Variants in CLIP2 observed in about 807,000 individuals in gnomAD.
CLIP2 encodes CAP-Gly domain-containing linker protein 2.
CLIP2 carries 41 observed loss-of-function variants against 111.7 expected under a neutral mutation model. The ratio of observed to expected loss-of-function variants is 0.37; its 90% CI spans 0.29 to 0.48. The LOEUF (loss-of-function observed/expected upper bound fraction) is 0.48. Ranked by LOEUF, CLIP2 falls within the 20% of genes least tolerant of loss-of-function variation. The pLI, the probability that CLIP2 is intolerant of heterozygous loss-of-function variation, is 0.99. For synonymous variants in CLIP2, 660 were observed against 644.2 expected (o/e 1.02, Z -0.37); for missense variants, 1,160 against 1,422.1 (o/e 0.82, Z 2.96).
At chr7:74,319,765 G>A (rs1788891716) in intron 2 of CLIP2, among the ~76,000 whole-genome samples, 1 of 151,860 alleles carries the variant, frequency 6.6e-6, no homozygotes, top group South Asian at 2.1e-4. Flanking sequence ...AGGCTGCAGT[G>A]AGCCATGATC....
rs1157277499 is a variant in CLIP2 at position 74,400,541 on chromosome 7, C to G, written c.3052C>G (p.Pro1018Ala). Residue 1018 changes from proline (P) to alanine (A), a missense_variant, in exon 15 of 17, where the codon CCT becomes GCT. This residue lies in a region of CLIP2 where 676 missense variants were observed against 777.8 expected (regional missense o/e 0.87). Coordinates refer to ENST00000223398, the MANE Select transcript of CLIP2 (RefSeq NM_003388.5). Reference protein sequence around the residue: ...EKLMEAMRSCPDKAQTIGNSG... With the variant: ...EKLMEAMRSCADKAQTIGNSG... ...GCTGATGGAGGCCATGAGGAGCTGC[C>G]CTGACAAGGCCCAGGTGAGCCGCGG... 1 of 1,584,104 alleles carries G rather than the reference C, an allele frequency of 6.3e-7. No individual in the cohort carries two copies. The highest frequency in any genetic ancestry group is 8.6e-7 in the Non-Finnish European group (1 of 1,165,344).
chr7:74,389,759 T>G (rs1412839905), intron 13 of CLIP2, among the ~76,000 whole-genome samples: 2 of 151,200 alleles, frequency 1.3e-5, no homozygotes, highest in African/African-American at 2.4e-5. Context: ...ATTAGCTGGG[T>G]GTAGTGGTGT....
At position 74,357,267 on chromosome 7, in the gene CLIP2, C is replaced by T. The variant is rs1042685390; in HGVS notation, c.1018-13C>T. 6.8e-6 allele frequency: 11 copies of T among 1,613,228 alleles called. No individual in the cohort carries two copies. Among genetic ancestry groups the T allele is most frequent in the Non-Finnish European group, 9.3e-6 (11 of 1,179,450 alleles). ...GATCCCTGAGACCCGCCTGCATCCA[C>T]ACCTTCCTGCAGCTCACGGAGACCT... On this transcript the variant is annotated splice_polypyrimidine_tract_variant and intron_variant, in intron 5 of 16. Transcript: ENST00000223398.
chr7:74,317,720 T>C (rs1272268387), intron 2 of CLIP2, 53 bp downstream of exon 2: 99 of 1,363,296 alleles, frequency 7.3e-5, no homozygotes, highest in Non-Finnish European at 8.9e-5. Context: ...ATGGGATGAG[T>C]GTTCTTCTGG....
chr7:74,354,121 A>G (rs1354051693), intron 4 of CLIP2, 117 bp downstream of exon 4: 42 of 1,275,028 alleles, frequency 3.3e-5, no homozygotes, highest in South Asian at 4.3e-5. Flanking sequence ...GTCAGACACC[A>G]TAAGTCCTTT....
chr7:74,390,164 AG>A (rs71094781), intron 13 of CLIP2, among the ~76,000 whole-genome samples: 68,239 of 105,974 alleles, frequency 0.64, 18,667 homozygotes, highest in Non-Finnish European at 0.68. Context: ...GAAAGAAAGA[AG>A]AAAGAAAGAA....
intron 6 of CLIP2, among the ~76,000 whole-genome samples, chr7:74,357,810 G>A (rs1223830455): frequency 4.7e-5 from 7 of 150,404 alleles, no homozygotes; most frequent in Admixed American, 3.3e-4. Flanking sequence ...AGGCTGGGGT[G>A]TAGTGGTGCA....
At chr7:74,359,897 G>A (rs1554309390) in intron 6 of CLIP2, among the ~76,000 whole-genome samples, 2 of 152,232 alleles carry the variant, frequency 1.3e-5, no homozygotes, top group African/African-American at 4.8e-5. Flanking sequence ...AAGACAGCAG[G>A]TTTGCAAGAT....
chr7:74,373,905 G>A (rs1396096354), intron 9 of CLIP2, among the ~76,000 whole-genome samples: 1 of 152,074 alleles, frequency 6.6e-6, no homozygotes, highest in Admixed American at 6.6e-5. Flanking sequence ...GAGTGGAGGT[G>A]TCCCCAGGGA....
intron 3 of CLIP2, among the ~76,000 whole-genome samples, chr7:74,347,486 T>G (rs899808880): frequency 6.6e-6 from 1 of 152,106 alleles, no homozygotes; most frequent in Non-Finnish European, 1.5e-5. Flanking sequence ...GCCAGGCTGG[T>G]CTCGATCTCC....
intron 7 of CLIP2, among the ~76,000 whole-genome samples, chr7:74,363,958 C>T (rs533553106): frequency 6.6e-6 from 1 of 150,932 alleles, no homozygotes; most frequent in Non-Finnish European, 1.5e-5. Context: ...GGAAAGAAAA[C>T]AGTGTTGTCA....
chr7:74,338,336 T>C lies in CLIP2; in HGVS notation c.122-112T>C. 8.4e-7 allele frequency: 1 copy of C among 1,186,264 alleles called. No homozygotes were observed. Among genetic ancestry groups the C allele is most frequent in the Non-Finnish European group, 1.2e-6 (1 of 863,126 alleles). The allele number at this position is 1,186,264 out of a possible 1,614,324, so 73.5% of individuals were successfully genotyped here. The stretch of plus-strand genomic sequence containing the variant: ...GGCCGAGATGGTGAAACCCCATCTC[T>C]ACCCAAAAATACAAATCAGCCACCT... On this transcript the variant is annotated intron_variant, in intron 2 of 16. Transcript: ENST00000223398. This position sits in a 1 kb window ranked among gnomAD's most constrained non-coding sequence, Gnocchi z 4.3.
intron 2 of CLIP2, among the ~76,000 whole-genome samples, chr7:74,319,679 G>A (rs1171132548): frequency 6.6e-6 from 1 of 151,946 alleles, no homozygotes; most frequent in Non-Finnish European, 1.5e-5. Flanking sequence ...TAATTAGCCA[G>A]GCATGGTAGT....
Position 74,308,535 on chromosome 7 carries a change from C to T in CLIP2, c.-67-8945C>T, listed in dbSNP as rs994419549. On this transcript the variant is annotated intron_variant, in intron 1 of 16. Coordinates refer to ENST00000223398, the MANE Select transcript of CLIP2 (RefSeq NM_003388.5). ...ATTTATTTATTTTGAGATGGAGTCT[C>T]GCTTTGTTGCCCAGGCTGGAGCATG... is the stretch of plus-strand genomic sequence containing the variant. Among the ~76,000 whole-genome samples, 13 of 152,198 alleles carry T rather than the reference C, an allele frequency of 8.5e-5. No individual in the cohort carries two copies. In the South Asian group the frequency reaches 1.0e-3, roughly 12 times the overall value.
At chr7:74,311,724 A>G (rs1788644630) in intron 1 of CLIP2, among the ~76,000 whole-genome samples, 1 of 152,074 alleles carries the variant, frequency 6.6e-6, no homozygotes, top group African/African-American at 2.4e-5. Flanking sequence ...AGCCTGGGCA[A>G]TGTAGCTAGA....
In CLIP2 at chr7:74,397,014, G is replaced by A. The variant is rs940195401; in HGVS notation, c.2721-60G>A. On this transcript the variant is annotated intron_variant, in intron 13 of 16. Coordinates refer to ENST00000223398, the MANE Select transcript of CLIP2 (RefSeq NM_003388.5). The stretch of plus-strand genomic sequence containing the variant: ...CCTGGACACTTGGCAAATTGCTAGA[G>A]TGTGGGAGCTGGAGGAGCCAGGGCT... 4 of 1,582,912 alleles carry A rather than the reference G, an allele frequency of 2.5e-6. No individual in the cohort carries two copies. In the African/African-American group the frequency reaches 5.4e-5, roughly 21 times the overall value.
chr7:74,291,123 A>G (rs1243197427), intron 1 of CLIP2, among the ~76,000 whole-genome samples: 1 of 152,146 alleles, frequency 6.6e-6, no homozygotes, highest in Non-Finnish European at 1.5e-5. Flanking sequence ...TGAGCACAGG[A>G]TGCATTCTTG....
chr7:74,316,841 C>T (rs1227639858), intron 1 of CLIP2, among the ~76,000 whole-genome samples: 1 of 152,134 alleles, frequency 6.6e-6, no homozygotes, highest in Non-Finnish European at 1.5e-5. Flanking sequence ...GGATTACAGG[C>T]ATCAGCCACT....
At chr7:74,379,127 T>A (rs1466847865) in intron 10 of CLIP2, among the ~76,000 whole-genome samples, 2 of 152,096 alleles carry the variant, frequency 1.3e-5, no homozygotes, top group African/African-American at 4.8e-5. Flanking sequence ...CTGCCCCTCA[T>A]TCACAGGTGC....
Sources: allele counts gnomAD v4.1 joint callset (sites outside exome capture counted in the v4.1 genomes callset), GRCh38; gene constraint gnomAD v4.1.1; regional missense constraint gnomAD v4.1.1; non-coding constraint Gnocchi (gnomAD v3.1); transcripts MANE v1.5; gene names NCBI Gene and HGNC (gene_info 2026-07-23, HGNC 2026-07-21).